PDE4B: variants seen among roughly 807,000 people sequenced by gnomAD.
PDE4B encodes 3',5'-cyclic-AMP phosphodiesterase 4B.
Under a neutral mutation model 82.2 loss-of-function variants are expected in PDE4B, and 20 were observed. The observed-to-expected ratio is 0.24, with a 90% CI of 0.17 to 0.35. PDE4B has a LOEUF of 0.35. Ranked by LOEUF, PDE4B falls within the 10% of genes least tolerant of loss-of-function variation. The pLI is 1.00. For missense variants in PDE4B, 655 were observed against 907.2 expected, an observed-to-expected ratio of 0.72 and a Z score of 3.57; for synonymous variants, 320 against 318.9, an observed-to-expected ratio of 1.00 and a Z score of -0.04.
At chr1:66,143,495 G>C (rs563913120) in intron 3 of PDE4B, among the ~76,000 whole-genome samples, 1 of 152,332 alleles carries the variant, frequency 6.6e-6, no homozygotes, top group African/African-American at 2.4e-5. Flanking sequence ...GAACAGGACA[G>C]TGAAGTCAGA....
chr1:65,829,082 A>G (rs1646051739), intron 1 of PDE4B, among the ~76,000 whole-genome samples: 1 of 123,196 alleles, frequency 8.1e-6, no homozygotes, highest in Non-Finnish European at 1.9e-5. Flanking sequence ...AACACTTTAA[A>G]TATAAAGAAT....
chr1:66,132,190 A>G (rs1489407602), intron 3 of PDE4B, among the ~76,000 whole-genome samples: 1 of 152,190 alleles, frequency 6.6e-6, no homozygotes. Context: ...AGTGTCCCTG[A>G]AAAACTGAGT....
intron 3 of PDE4B, among the ~76,000 whole-genome samples, chr1:66,146,723 A>C (rs1472499551): frequency 1.3e-5 from 2 of 152,182 alleles, no homozygotes; most frequent in Non-Finnish European, 1.5e-5. Flanking sequence ...CCTGCTTGCT[A>C]TTCTGAAGAC....
intron 7 of PDE4B, among the ~76,000 whole-genome samples, chr1:66,326,368 A>G (rs557341949): frequency 3.3e-5 from 5 of 152,336 alleles, no homozygotes; most frequent in Admixed American, 6.5e-5. Context: ...AAAGCCCTTC[A>G]AGTCCCTCCT....
intron 3 of PDE4B, among the ~76,000 whole-genome samples, chr1:66,044,878 C>T (rs1009405118): frequency 6.6e-6 from 1 of 151,712 alleles, no homozygotes; most frequent in African/African-American, 2.4e-5. Context: ...TACTGAGTTA[C>T]TCTGTTAACT....
chr1:66,189,162 C>T (rs974304141), intron 3 of PDE4B, among the ~76,000 whole-genome samples: 2 of 151,956 alleles, frequency 1.3e-5, no homozygotes, highest in African/African-American at 4.8e-5. Flanking sequence ...AATATTGGCC[C>T]CCACTCTCTG....
chr1:65,928,633 G>A (rs1160941392), intron 3 of PDE4B, among the ~76,000 whole-genome samples: 2 of 152,248 alleles, frequency 1.3e-5, no homozygotes, highest in East Asian at 1.9e-4. Flanking sequence ...AAAGATGCAG[G>A]TGCCACCCTC....
intron 1 of PDE4B, among the ~76,000 whole-genome samples, chr1:65,810,415 A>C (rs1483505803): frequency 1.3e-5 from 2 of 152,196 alleles, no homozygotes. Context: ...GAGGATGAAA[A>C]CATTAAGCCT....
At chr1:65,800,142 A>C (rs545048139) in intron 1 of PDE4B, among the ~76,000 whole-genome samples, 1 of 152,326 alleles carries the variant, frequency 6.6e-6, no homozygotes, top group African/African-American at 2.4e-5. Flanking sequence ...TGGATTAAAA[A>C]AAATTAAAAC....
intron 3 of PDE4B, among the ~76,000 whole-genome samples, chr1:66,100,195 AG>A (rs1645194808): frequency 6.6e-6 from 1 of 152,014 alleles, no homozygotes; most frequent in African/African-American, 2.4e-5. Flanking sequence ...CTGTGACTAC[AG>A]GTGCGCACCA....
At chr1:66,151,779 T>C (rs1279758845) in intron 3 of PDE4B, among the ~76,000 whole-genome samples, 3 of 152,226 alleles carry the variant, frequency 2.0e-5, no homozygotes, top group Non-Finnish European at 4.4e-5. Flanking sequence ...CATCTCTTTA[T>C]TTCCGATCTT....
intron 3 of PDE4B, among the ~76,000 whole-genome samples, chr1:66,147,873 G>A (rs6698080): frequency 0.12 from 18,317 of 152,060 alleles, 2,675 homozygotes; most frequent in African/African-American, 0.34. Flanking sequence ...TATTTGGAAC[G>A]TACCCAAGTA....
chr1:66,206,488 G>T (rs769895415), intron 3 of PDE4B, among the ~76,000 whole-genome samples: 1 of 152,216 alleles, frequency 6.6e-6, no homozygotes, highest in Non-Finnish European at 1.5e-5. Flanking sequence ...CAAGAAGGTA[G>T]AAGACTTGGT....
chr1:66,264,005 G>A (rs1428387678), intron 6 of PDE4B, among the ~76,000 whole-genome samples: 1 of 152,074 alleles, frequency 6.6e-6, no homozygotes, highest in East Asian at 1.9e-4. Flanking sequence ...GACCATCCTG[G>A]GTGCCAGGGA....
intron 1 of PDE4B, among the ~76,000 whole-genome samples, chr1:65,804,817 G>A (rs960742907): frequency 6.6e-6 from 1 of 152,264 alleles, no homozygotes; most frequent in African/African-American, 2.4e-5. Flanking sequence ...GAGTCATGTC[G>A]TGGCTGCTCT....
intron 7 of PDE4B, among the ~76,000 whole-genome samples, chr1:66,269,987 C>T (rs1655346421): frequency 6.6e-6 from 1 of 152,058 alleles, no homozygotes; most frequent in Non-Finnish European, 1.5e-5. Context: ...ATTTACTGAG[C>T]AGGAACATTA....
At chr1:66,148,082 C>T (rs1231906592) in intron 3 of PDE4B, among the ~76,000 whole-genome samples, 1 of 152,016 alleles carries the variant, frequency 6.6e-6, no homozygotes. Context: ...CCAGCCTGGC[C>T]AACATGGCAA....
At chr1:66,229,818 A>G (rs1651801692) in intron 3 of PDE4B, among the ~76,000 whole-genome samples, 1 of 152,230 alleles carries the variant, frequency 6.6e-6, no homozygotes, top group Non-Finnish European at 1.5e-5. Context: ...CCTCACAGCA[A>G]GCTTTTAGCT....
At chr1:66,233,681 G>A (rs1403458559) in intron 3 of PDE4B, among the ~76,000 whole-genome samples, 1 of 141,872 alleles carries the variant, frequency 7.0e-6, no homozygotes, top group Middle Eastern at 3.4e-3. Context: ...TTACCTGGTT[G>A]ATATGTAAAT....
Sources: gnomAD v4.1 joint callset for allele counts (sites outside exome capture counted in the v4.1 genomes callset) on GRCh38, gnomAD v4.1.1 for gene constraint, MANE v1.5 for transcripts, NCBI Gene and HGNC (gene_info 2026-07-23, HGNC 2026-07-21) for gene names.